The following TACR3 variants were observed in gnomAD, a reference collection of about 807,000 sequenced individuals.
The protein encoded by TACR3 is tachykinin receptor 3.
A neutral mutation model predicts 35.0 loss-of-function variants in TACR3; 34 were observed. That is an observed-to-expected ratio of 0.97 (90% CI 0.74 to 1.30). TACR3 has a LOEUF of 1.30. Ranked by LOEUF, TACR3 falls within the 50% of genes most tolerant of loss-of-function variation. The pLI is 0.00. For missense variants in TACR3, 558 were observed against 591.7 expected (o/e 0.94, Z 0.59); for synonymous variants, 233 against 221.1 (o/e 1.05, Z -0.48).
In TACR3 at chr4:103,614,884, G is replaced by GTTTTTTTTTT. The variant is rs71580414; in HGVS notation, c.889-23211_889-23202dup. On this transcript the variant is annotated intron_variant, in intron 3 of 4. Coordinates refer to ENST00000304883, the MANE Select transcript of TACR3 (RefSeq NM_001059.3). ...TATAACCTAAGTTGATTATGAATGT[G>GTTTTTTTTTT]TTTTTTTTTTTTTTTTTTTTTTTTT... Among the ~76,000 whole-genome samples the GTTTTTTTTTT allele has an allele frequency of 5.1e-4, 37 of 72,060 alleles. 4 individuals are homozygous for GTTTTTTTTTT. Among genetic ancestry groups the GTTTTTTTTTT allele is most frequent in the African/African-American group, 1.1e-3 (19 of 16,632 alleles). The allele number at this position is 72,060 out of a possible 152,430, so 47.3% of individuals were successfully genotyped here.
Position 103,591,539 on chromosome 4 carries a change from C to G in TACR3, c.1033G>C (p.Ala345Pro). The G allele has an allele frequency of 6.2e-7, 1 of 1,613,842 alleles. No homozygotes were observed. The highest frequency in any genetic ancestry group is 8.5e-7 in the Non-Finnish European group (1 of 1,179,840). ...GGATTGTACATGGTTGAGCTCATTG[C>G]CAGCCAAAAGCTAGCCAGGTAGACC... ...QQVYLASFWLAMSSTMYNPII... is the reference protein window; with the variant it reads ...QQVYLASFWLPMSSTMYNPII... Residue 345 changes from alanine (A) to proline (P), a missense_variant, in exon 4 of 5, where the codon GCA becomes CCA. Transcript: ENST00000304883.
chr4:103,598,917 G>T lies in TACR3; in HGVS notation c.889-7234C>A, dbSNP rs181510602. ...CCTCCAGCTTTGTTCTTTTGGCTTA[G>T]GACTGACTTGGTGATGCAGGCTCTT... On this transcript the variant is annotated intron_variant, in intron 3 of 4. Transcript: ENST00000304883. 7.4e-3 allele frequency among the ~76,000 whole-genome samples: 1,120 copies of T among 152,160 alleles called. 16 individuals carry two copies. Among genetic ancestry groups the T allele is most frequent in the African/African-American group, 0.026 (1,074 of 41,536 alleles).
chr4:103,680,279 GA>G (rs1242280227), intron 1 of TACR3, among the ~76,000 whole-genome samples: 1 of 151,424 alleles, frequency 6.6e-6, no homozygotes, highest in African/African-American at 2.4e-5. Context: ...CACACCTACA[GA>G]ACAGAAAGAA....
chr4:103,590,277 G>A (rs911720404), intron 4 of TACR3, among the ~76,000 whole-genome samples: 1 of 151,952 alleles, frequency 6.6e-6, no homozygotes, highest in East Asian at 1.9e-4. Context: ...CATAGCATCA[G>A]GTAATCAATA....
chr4:103,671,473 T>C (rs1246441944), intron 1 of TACR3, among the ~76,000 whole-genome samples: 2 of 151,950 alleles, frequency 1.3e-5, no homozygotes, highest in African/African-American at 2.4e-5. Context: ...TTACATAATA[T>C]TGGGCTATTT....
At chr4:103,636,266 C>T (rs1294368124) in intron 3 of TACR3, among the ~76,000 whole-genome samples, 1 of 151,818 alleles carries the variant, frequency 6.6e-6, no homozygotes, top group Admixed American at 6.6e-5. Flanking sequence ...ACACAAAATA[C>T]TATGTATTGA....
intron 3 of TACR3, among the ~76,000 whole-genome samples, chr4:103,645,424 C>T (rs764806425): frequency 4.9e-4 from 75 of 152,038 alleles, no homozygotes; most frequent in Non-Finnish European, 8.2e-4. Context: ...ACTCCATTTC[C>T]TCTGTGGCTG....
chr4:103,629,870 AAC>A (rs1440641961), intron 3 of TACR3, among the ~76,000 whole-genome samples: 151 of 108,318 alleles, frequency 1.4e-3, no homozygotes, highest in Middle Eastern at 5.7e-3. Context: ...ACAAAAAAAA[AAC>A]AAAAAAAACA....
chr4:103,684,028 G>A (rs906239101), intron 1 of TACR3, among the ~76,000 whole-genome samples: 2 of 152,046 alleles, frequency 1.3e-5, no homozygotes, highest in South Asian at 2.1e-4. Context: ...GAAGTTCAAC[G>A]TCAATTTAAT....
At chr4:103,616,022 A>G (rs544414683) in intron 3 of TACR3, among the ~76,000 whole-genome samples, 1 of 152,322 alleles carries the variant, frequency 6.6e-6, no homozygotes, top group East Asian at 1.9e-4. Context: ...GTTTCCCATA[A>G]TATGTCAGAA....
intron 1 of TACR3, among the ~76,000 whole-genome samples, chr4:103,667,298 C>T (rs1219239058): frequency 6.6e-6 from 1 of 151,894 alleles, no homozygotes; most frequent in Non-Finnish European, 1.5e-5. Flanking sequence ...AAACTTTGAG[C>T]TCAAATATTT....
At chr4:103,611,443 A>G (rs1724509557) in intron 3 of TACR3, among the ~76,000 whole-genome samples, 1 of 152,164 alleles carries the variant, frequency 6.6e-6, no homozygotes, top group Non-Finnish European at 1.5e-5. Context: ...GGTGATAATT[A>G]ATAACTAATT....
chr4:103,594,232 C>A (rs1723956139), intron 3 of TACR3, among the ~76,000 whole-genome samples: 1 of 150,918 alleles, frequency 6.6e-6, no homozygotes, highest in South Asian at 2.1e-4. Flanking sequence ...GGCTGGAGTG[C>A]AGTGGTGCGA....
At chr4:103,622,565 A>G (rs933261980) in intron 3 of TACR3, among the ~76,000 whole-genome samples, 1 of 152,114 alleles carries the variant, frequency 6.6e-6, no homozygotes, top group African/African-American at 2.4e-5. Flanking sequence ...CCCCGTCTCT[A>G]CTAAAAATAC....
intron 1 of TACR3, among the ~76,000 whole-genome samples, chr4:103,663,203 G>A (rs567396280): frequency 6.6e-6 from 1 of 152,186 alleles, no homozygotes; most frequent in East Asian, 1.9e-4. Context: ...GGAAAAGAAT[G>A]GAAGCAAATG....
chr4:103,704,218 G>C (rs980880566), intron 1 of TACR3, among the ~76,000 whole-genome samples: 9 of 151,562 alleles, frequency 5.9e-5, no homozygotes, highest in Non-Finnish European at 1.2e-4. Flanking sequence ...AATACAATAG[G>C]CTTCACAAAA....
At chr4:103,710,059 A>G (rs945957174) in intron 1 of TACR3, among the ~76,000 whole-genome samples, 9 of 152,124 alleles carry the variant, frequency 5.9e-5, no homozygotes, top group African/African-American at 1.9e-4. Context: ...ATAATAATGC[A>G]AGACTTTAAC....
At chr4:103,703,397 T>C (rs537982817) in intron 1 of TACR3, among the ~76,000 whole-genome samples, 4 of 152,138 alleles carry the variant, frequency 2.6e-5, no homozygotes, top group African/African-American at 7.2e-5. Context: ...TTGTTGTAGA[T>C]GATGAAAAAA....
chr4:103,656,332 G>A lies in TACR3; in HGVS notation c.750C>T (p.Ile250=), dbSNP rs1006068692. 3 of 1,612,240 alleles carry A rather than the reference G, an allele frequency of 1.9e-6. No individual in the cohort carries two copies. The highest frequency in any genetic ancestry group is 1.7e-5 in the Admixed American group (1 of 59,894). The change falls in exon 3 of 5, where the codon ATC becomes ATT. Residue 250 remains isoleucine (I), a synonymous_variant. Transcript: ENST00000304883. ...GGAAACAGTACACCAGTATAATGAC[G>A]ATAATATGGTAACTATGAAAAATAA... ...GPKQHFTYHI[I]VIILVYCFPL...
Sources: gnomAD v4.1 joint callset for allele counts (sites outside exome capture counted in the v4.1 genomes callset) on GRCh38, gnomAD v4.1.1 for gene constraint, MANE v1.5 for transcripts, NCBI Gene and HGNC (gene_info 2026-07-23, HGNC 2026-07-21) for gene names.